The following SSUH2 variants were observed in gnomAD, a reference collection of about 807,000 sequenced individuals.
The protein encoded by SSUH2 is protein SSUH2 homolog.
A neutral mutation model predicts 55.3 loss-of-function variants in SSUH2; 47 were observed. The ratio of observed to expected loss-of-function variants is 0.85; its 90% CI spans 0.67 to 1.08. The LOEUF (loss-of-function observed/expected upper bound fraction) is 1.08. SSUH2 is among the 50% of genes least tolerant of loss of function. The pLI, the probability that SSUH2 is intolerant of heterozygous loss-of-function variation, is 0.00. For synonymous variants in SSUH2, 212 were observed against 191.5 expected, an observed-to-expected ratio of 1.11 and a Z score of -0.89; for missense variants, 535 against 490.7, an observed-to-expected ratio of 1.09 and a Z score of -0.85.
chr3:8,658,874 T>C (rs201650121), intron 7 of SSUH2: 1 of 149,210 alleles, frequency 6.7e-6, no homozygotes, highest in Non-Finnish European at 1.5e-5. Flanking sequence ...CAAAACATAA[T>C]AAAGGCTATA....
At chr3:8,631,349 C>G (rs1409557294) in intron 5 of SSUH2, among the ~76,000 whole-genome samples, 1 of 152,162 alleles carries the variant, frequency 6.6e-6, no homozygotes, top group African/African-American at 2.4e-5. Flanking sequence ...TCATCACCAT[C>G]CCCTTCACCA....
chr3:8,650,056 T>C (rs949938059), intron 7 of SSUH2, among the ~76,000 whole-genome samples: 1 of 152,166 alleles, frequency 6.6e-6, no homozygotes, highest in Non-Finnish European at 1.5e-5. Flanking sequence ...TTGCACTTGC[T>C]GTACTGGAGA....
At chr3:8,632,206 G>T (rs1698934052) in intron 4 of SSUH2, 97 bp from the exon 5 acceptor site, 2 of 1,010,774 alleles carry the variant, frequency 2.0e-6, no homozygotes, top group Non-Finnish European at 3.1e-6. Flanking sequence ...GGGCTCAGTG[G>T]GGAAACTGAG....
intron 7 of SSUH2, among the ~76,000 whole-genome samples, chr3:8,650,157 C>G (rs1433492266): frequency 6.6e-6 from 1 of 152,168 alleles, no homozygotes; most frequent in Non-Finnish European, 1.5e-5. Context: ...GAGGCTGTCC[C>G]TGGCCCCTAT....
At chr3:8,626,343 T>C in intron 8 of SSUH2, 22 bp from the exon 9 acceptor site, 1 of 1,603,730 alleles carries the variant, frequency 6.2e-7, no homozygotes, top group Non-Finnish European at 8.5e-7. Flanking sequence ...ACAGAGTCCG[T>C]ACCCCCAGAT....
chr3:8,681,691 C>G (rs1705964955), intron 1 of SSUH2, among the ~76,000 whole-genome samples: 1 of 151,560 alleles, frequency 6.6e-6, no homozygotes, highest in Admixed American at 6.6e-5. Context: ...CCCCCCGGCT[C>G]TTAGGACCCC....
At chr3:8,681,090 G>A (rs1705904958) in intron 1 of SSUH2, among the ~76,000 whole-genome samples, 1 of 98,434 alleles carries the variant, frequency 1.0e-5, no homozygotes, top group African/African-American at 2.9e-5. Flanking sequence ...GCAGGGGGGA[G>A]AGGCACCCCC....
Position 8,625,667 on chromosome 3 carries a change from G to C in SSUH2, c.768-20C>G. The C allele has an allele frequency of 6.5e-7, 1 of 1,549,804 alleles. No homozygotes were observed. The highest frequency in any genetic ancestry group is 1.1e-5 in the South Asian group (1 of 89,700). ...TTCTTCCTGGAGGGAAGGAGGATGA[G>C]GGATGAAAGCACACAGTGTGGCAGG... On this transcript the variant is annotated intron_variant, in intron 9 of 11. Transcript: ENST00000544814.
At chr3:8,632,146 C>T in intron 4 of SSUH2, 37 bp from the exon 5 acceptor site, 1 of 1,566,154 alleles carries the variant, frequency 6.4e-7, no homozygotes, top group East Asian at 2.2e-5. Flanking sequence ...CACTCGTGCC[C>T]CTTATGAAGA....
intron 1 of SSUH2, among the ~76,000 whole-genome samples, chr3:8,644,294 T>C (rs906902949): frequency 6.6e-6 from 1 of 152,118 alleles, no homozygotes; most frequent in Non-Finnish European, 1.5e-5. Context: ...GTGATTGAAA[T>C]AAGAATCCTG....
Position 8,619,763 on chromosome 3 carries a change from TTGTA to T in SSUH2, c.*101_*104del, listed in dbSNP as rs1696038074. 3 of 1,367,572 alleles carry T rather than the reference TTGTA, an allele frequency of 2.2e-6. No individual in the cohort carries two copies. Among genetic ancestry groups the T allele is most frequent in the East Asian group, 2.3e-5 (1 of 42,988 alleles). The allele number at this position is 1,367,572 out of a possible 1,614,324, so 84.7% of individuals were successfully genotyped here. ...TTTTTCTGGAAGGACATGCCAGGGT[TTGTA>T]TGTGATTGTCCAATGCAGCCAACAG... On this transcript the variant is annotated 3_prime_UTR_variant, in exon 12 of 12. Coordinates refer to ENST00000544814, the MANE Select transcript of SSUH2 (RefSeq NM_001256748.3).
intron 3 of SSUH2, 103 bp downstream of exon 3, chr3:8,635,197 G>T: frequency 1.1e-6 from 1 of 941,968 alleles, no homozygotes; most frequent in Non-Finnish European, 1.6e-6. Context: ...GGGTGCAGAC[G>T]GCCCCCTCCA....
rs9874292 is a variant in SSUH2 at position 8,621,799 on chromosome 3, A to C, written c.981+1750T>G. On this transcript the variant is annotated intron_variant, in intron 11 of 11. Transcript: ENST00000544814. ...TCAGTGCAAAGGACCCCAAATAGGG[A>C]CTAAAGGGCACAAGGAGATGGGAGT... is the stretch of plus-strand genomic sequence containing the variant. Among the ~76,000 whole-genome samples, 695 of 152,328 alleles carry C rather than the reference A, an allele frequency of 4.6e-3. 6 individuals carry two copies. Among genetic ancestry groups the C allele is most frequent in the African/African-American group, 0.016 (658 of 41,578 alleles).
chr3:8,623,132 G>A (rs935183634), intron 11 of SSUH2, among the ~76,000 whole-genome samples: 2 of 152,202 alleles, frequency 1.3e-5, no homozygotes, highest in Non-Finnish European at 2.9e-5. Context: ...AACCACAGAG[G>A]CCAGGAGAAG....
At chr3:8,641,900 G>T (rs964150097) in intron 1 of SSUH2, among the ~76,000 whole-genome samples, 14 of 152,142 alleles carry the variant, frequency 9.2e-5, no homozygotes, top group African/African-American at 3.4e-4. Flanking sequence ...GAGCAGAGCT[G>T]GCCTGGGTAC....
intron 4 of SSUH2, 92 bp downstream of exon 4, chr3:8,633,574 T>C: frequency 4.5e-6 from 5 of 1,105,548 alleles, no homozygotes; most frequent in Non-Finnish European, 6.3e-6. Flanking sequence ...TCCTTTCCCC[T>C]GGCCACATCA....
At chr3:8,644,600 C>A (rs1649737019) in intron 1 of SSUH2, 131 bp downstream of exon 1, 8 of 834,170 alleles carry the variant, frequency 9.6e-6, no homozygotes, top group South Asian at 9.0e-5. Flanking sequence ...ACAGTGCTAG[C>A]TACAGAGCTT....
At chr3:8,660,406 A>C (rs147443498) in intron 6 of SSUH2, among the ~76,000 whole-genome samples, 2,099 of 152,270 alleles carry the variant, frequency 0.014, 51 homozygotes, top group African/African-American at 0.048. Flanking sequence ...CATTCACTCC[A>C]AGAAAAGTAA....
At position 8,664,184 on chromosome 3, in the gene SSUH2, G is replaced by A. The variant is rs564228541; in HGVS notation, c.-454-382C>T. On this transcript the variant is annotated intron_variant, in intron 5 of 18. Transcript: ENST00000317371. ...ACGGGGAGCCCAAGTGGATTGTTTC[G>A]AAGCTCCTAGAAAACGACCCTTGAT... Among the ~76,000 whole-genome samples the A allele has an allele frequency of 3.0e-4, 46 of 152,288 alleles. No individual in the cohort carries two copies. In the South Asian group the frequency reaches 8.5e-3, roughly 28 times the overall value.
Sources: allele counts gnomAD v4.1 joint callset (sites outside exome capture counted in the v4.1 genomes callset), GRCh38; gene constraint gnomAD v4.1.1; transcripts MANE v1.5; gene names NCBI Gene and HGNC (gene_info 2026-07-23, HGNC 2026-07-21).